The following TMEM244 variants were observed in gnomAD, a reference collection of about 807,000 sequenced individuals.
TMEM244 encodes putative transmembrane protein 244.
A neutral mutation model predicts 15.8 loss-of-function variants in TMEM244; 13 were observed. The observed-to-expected ratio is 0.82, with a 90% CI of 0.53 to 1.30. The LOEUF (loss-of-function observed/expected upper bound fraction) is 1.30, where lower values mean the gene tolerates loss of function less well. TMEM244 is among the 50% of genes most tolerant of loss of function. TMEM244 has a pLI of 0.00. For missense variants in TMEM244, 161 were observed against 144.9 expected, an observed-to-expected ratio of 1.11 and a Z score of -0.57; for synonymous variants, 45 against 48.7, an observed-to-expected ratio of 0.92 and a Z score of 0.32.
intron 3 of TMEM244, among the ~76,000 whole-genome samples, chr6:129,836,752 C>T (rs1037374493): frequency 2.0e-5 from 3 of 152,098 alleles, no homozygotes; most frequent in Admixed American, 2.0e-4. Context: ...GAGCTGAAAA[C>T]CATGGAATGA....
At chr6:129,854,603 A>C (rs1776679814) in intron 1 of TMEM244, among the ~76,000 whole-genome samples, 1 of 152,176 alleles carries the variant, frequency 6.6e-6, no homozygotes, top group African/African-American at 2.4e-5. Flanking sequence ...CTTACAGATG[A>C]AAAAACAGAG....
chr6:129,845,944 A>G, intron 1 of TMEM244, 92 bp from the exon 2 acceptor site: 1 of 855,022 alleles, frequency 1.2e-6, no homozygotes, highest in Non-Finnish European at 1.9e-6. Context: ...AATGATTACT[A>G]GATAGTGTTG....
At chr6:129,842,807 C>A (rs78798109) in intron 3 of TMEM244, among the ~76,000 whole-genome samples, 10,419 of 150,906 alleles carry the variant, frequency 0.069, 440 homozygotes, top group Non-Finnish European at 0.091. Flanking sequence ...GAAGATGGGG[C>A]AAACTCACCA....
chr6:129,835,496 G>A lies in TMEM244; in HGVS notation c.194-1911C>T, dbSNP rs13200944. 8.5e-5 allele frequency among the ~76,000 whole-genome samples: 13 copies of A among 152,144 alleles called. No individual in the cohort carries two copies. The South Asian group carries it at 2.7e-3, about 32-fold the overall frequency. On this transcript the variant is annotated intron_variant, in intron 3 of 4. Coordinates refer to ENST00000368143, the MANE Select transcript of TMEM244 (RefSeq NM_001010876.2). ...AGCTCCCAGTGAGATCGACGCAGAA[G>A]ATGGGTGATTTCTGCATTTCCAATT...
At chr6:129,838,230 C>A (rs1562196391) in intron 3 of TMEM244, among the ~76,000 whole-genome samples, 1 of 152,124 alleles carries the variant, frequency 6.6e-6, no homozygotes, top group East Asian at 1.9e-4. Context: ...GTCTCTCAGA[C>A]TGATCTCTCA....
chr6:129,860,634 T>A (rs1358858934), intron 1 of TMEM244, among the ~76,000 whole-genome samples: 1 of 152,118 alleles, frequency 6.6e-6, no homozygotes, highest in Non-Finnish European at 1.5e-5. Flanking sequence ...TATTTCCTTG[T>A]TTTCGATTGT....
chr6:129,843,652 T>A (rs376986085), intron 2 of TMEM244, 49 bp from the exon 3 acceptor site: 2 of 1,321,544 alleles, frequency 1.5e-6, no homozygotes, highest in East Asian at 2.3e-5. Flanking sequence ...AGGCAGTTCA[T>A]AACAGCACAT....
At chr6:129,853,764 G>A (rs1002304056) in intron 1 of TMEM244, among the ~76,000 whole-genome samples, 10 of 152,198 alleles carry the variant, frequency 6.6e-5, no homozygotes, top group African/African-American at 2.4e-4. Flanking sequence ...AAAAGCATGA[G>A]CACTATCTTT....
intron 1 of TMEM244, among the ~76,000 whole-genome samples, chr6:129,853,030 T>C (rs1189242088): frequency 6.6e-6 from 1 of 152,188 alleles, no homozygotes; most frequent in East Asian, 1.9e-4. Context: ...ACCCACAGCA[T>C]TGAATGTTCC....
intron 1 of TMEM244, among the ~76,000 whole-genome samples, chr6:129,860,864 A>C (rs1776798566): frequency 6.6e-6 from 1 of 152,140 alleles, no homozygotes; most frequent in African/African-American, 2.4e-5. Flanking sequence ...GATTTCAGAA[A>C]ACGATAGCAG....
At chr6:129,859,274 A>G (rs1360231870) in intron 1 of TMEM244, among the ~76,000 whole-genome samples, 1 of 152,212 alleles carries the variant, frequency 6.6e-6, no homozygotes, top group African/African-American at 2.4e-5. Context: ...AATTCTTAAC[A>G]TTAAGTACTG....
rs1584177429 is a variant in TMEM244 at position 129,831,299 on chromosome 6, AT to A, written c.*19del. ...TTCCACAGTTATTCTATTTAACATTATTTCTGTGCATTAGAGAATCTAAACA... is the reference window on the plus strand; with the variant it reads ...TTCCACAGTTATTCTATTTAACATTATTCTGTGCATTAGAGAATCTAAACA... On this transcript the variant is annotated 3_prime_UTR_variant, in exon 5 of 5. Coordinates refer to ENST00000368143, the MANE Select transcript of TMEM244 (RefSeq NM_001010876.2). 4.4e-6 allele frequency: 6 copies of A among 1,360,986 alleles called. No homozygotes were observed. The highest frequency in any genetic ancestry group is 6.3e-6 in the Non-Finnish European group (6 of 955,508). The allele number at this position is 1,360,986 out of a possible 1,614,324, so 84.3% of individuals were successfully genotyped here. A position where few individuals can be genotyped will look rare whatever the true frequency, so the allele number is the denominator to read the frequency against.
At chr6:129,846,433 T>C (rs1776561803) in intron 1 of TMEM244, among the ~76,000 whole-genome samples, 2 of 152,202 alleles carry the variant, frequency 1.3e-5, no homozygotes, top group African/African-American at 4.8e-5. Context: ...TGACAAATTT[T>C]ATATAGAGAT....
At position 129,861,163 on chromosome 6, in the gene TMEM244, G is replaced by A; in HGVS notation, c.26C>T (p.Pro9Leu). 2 of 1,613,760 alleles carry A rather than the reference G, an allele frequency of 1.2e-6. No individual in the cohort carries two copies. The highest frequency in any genetic ancestry group is 1.7e-6 in the Non-Finnish European group (2 of 1,179,736). The change falls in exon 1 of 5, where the codon CCA becomes CTA. Residue 9 changes from proline (P) to leucine (L), a missense_variant. Coordinates refer to ENST00000368143, the MANE Select transcript of TMEM244 (RefSeq NM_001010876.2). MALQVRVA[P>L]SKVVLQKFLL... Reference sequence around the variant, plus strand: ...GAAGTAATTTCTCTTTACCTTGCTTGGAGCAACTCTGACCTGGAGAGCCAT... The same window carrying A: ...GAAGTAATTTCTCTTTACCTTGCTTAGAGCAACTCTGACCTGGAGAGCCAT...
chr6:129,854,076 A>G (rs986958506), intron 1 of TMEM244, among the ~76,000 whole-genome samples: 1 of 152,200 alleles, frequency 6.6e-6, no homozygotes, highest in Non-Finnish European at 1.5e-5. Context: ...AGTAATTGCT[A>G]AAAGATACAA....
chr6:129,837,554 G>T (rs1365782869), intron 3 of TMEM244, among the ~76,000 whole-genome samples: 1 of 152,192 alleles, frequency 6.6e-6, no homozygotes, highest in Non-Finnish European at 1.5e-5. Flanking sequence ...ATAATGACAG[G>T]ATTAAATTCA....
intron 1 of TMEM244, among the ~76,000 whole-genome samples, chr6:129,860,101 A>G (rs924202471): frequency 4.4e-5 from 5 of 112,762 alleles, no homozygotes; most frequent in Non-Finnish European, 9.1e-5. Flanking sequence ...TTTCTCTGCA[A>G]TGCGTGTGTG....
At chr6:129,831,935 C>T (rs560971793) in intron 4 of TMEM244, among the ~76,000 whole-genome samples, 3 of 151,984 alleles carry the variant, frequency 2.0e-5, no homozygotes, top group South Asian at 2.1e-4. Context: ...GTGTTGGGGG[C>T]GGGGTGTCCA....
chr6:129,849,847 G>A (rs1254262290), intron 1 of TMEM244, among the ~76,000 whole-genome samples: 5 of 152,110 alleles, frequency 3.3e-5, no homozygotes, highest in South Asian at 2.1e-4. Context: ...CAAGCGAGAC[G>A]CCAGCAGAGA....
Sources: gnomAD v4.1 joint callset for allele counts (sites outside exome capture counted in the v4.1 genomes callset) on GRCh38, gnomAD v4.1.1 for gene constraint, MANE v1.5 for transcripts, NCBI Gene and HGNC (gene_info 2026-07-23, HGNC 2026-07-21) for gene names.